The following ALCAM variants were observed in gnomAD, a reference collection of about 807,000 sequenced individuals.
ALCAM encodes the protein activated leukocyte cell adhesion molecule.
ALCAM carries 30 observed loss-of-function variants against 70.9 expected under a neutral mutation model. That is an observed-to-expected ratio of 0.42 (90% confidence interval 0.32 to 0.57). ALCAM has a LOEUF of 0.57. ALCAM is among the 20% of genes least tolerant of loss of function. The pLI, the probability that ALCAM is intolerant of heterozygous loss-of-function variation, is 0.11. For synonymous variants in ALCAM, 249 were observed against 242.5 expected (o/e 1.03, Z -0.25); for missense variants, 591 against 695.1 (o/e 0.85, Z 1.68).
At chr3:105,482,798 T>C (rs1938309892) in intron 1 of ALCAM, among the ~76,000 whole-genome samples, 1 of 152,182 alleles carries the variant, frequency 6.6e-6, no homozygotes, top group South Asian at 2.1e-4. Flanking sequence ...GGATTTGTGA[T>C]TGAAATCACA....
At chr3:105,529,505 G>A (rs961515869) in intron 3 of ALCAM, among the ~76,000 whole-genome samples, 1 of 152,062 alleles carries the variant, frequency 6.6e-6, no homozygotes, top group East Asian at 1.9e-4. Context: ...TTACATTCAA[G>A]ATACATAGTT....
In ALCAM at chr3:105,503,235, G is replaced by C. The variant is rs181220716; in HGVS notation, c.74-16832G>C. Among the ~76,000 whole-genome samples the C allele has an allele frequency of 5.1e-3, 783 of 152,292 alleles. 10 individuals are homozygous for C. Among genetic ancestry groups the C allele is most frequent in the African/African-American group, 0.018 (756 of 41,550 alleles). On this transcript the variant is annotated intron_variant, in intron 1 of 15. Coordinates refer to ENST00000306107, the MANE Select transcript of ALCAM (RefSeq NM_001627.4). Reference sequence around the variant, plus strand: ...TGCTTTGGACTCTTCTACTTATTTAGTCTCAAGCTTTTCCAAAGAGCTAAC... The same window carrying C: ...TGCTTTGGACTCTTCTACTTATTTACTCTCAAGCTTTTCCAAAGAGCTAAC...
intron 14 of ALCAM, among the ~76,000 whole-genome samples, chr3:105,570,352 A>G (rs1441163377): frequency 6.6e-6 from 1 of 152,184 alleles, no homozygotes; most frequent in Non-Finnish European, 1.5e-5. Context: ...TTTCAGTTCC[A>G]AAATGTCAAT....
intron 1 of ALCAM, among the ~76,000 whole-genome samples, chr3:105,486,630 A>G (rs957453478): frequency 2.3e-4 from 35 of 152,142 alleles, no homozygotes; most frequent in African/African-American, 8.2e-4. Flanking sequence ...GCATGCATCC[A>G]TTATAATTAC....
chr3:105,482,219 C>T (rs1938293768), intron 1 of ALCAM, among the ~76,000 whole-genome samples: 1 of 152,088 alleles, frequency 6.6e-6, no homozygotes, highest in African/African-American at 2.4e-5. Flanking sequence ...TTCAAGCTAT[C>T]CTCCTACCTC....
chr3:105,529,054 A>G (rs921757353), intron 3 of ALCAM, among the ~76,000 whole-genome samples: 5 of 152,180 alleles, frequency 3.3e-5, no homozygotes, highest in African/African-American at 1.2e-4. Context: ...TTTAGAATAA[A>G]CACTGTAAGA....
At chr3:105,477,250 CT>C (rs1455938417) in intron 1 of ALCAM, among the ~76,000 whole-genome samples, 1 of 152,000 alleles carries the variant, frequency 6.6e-6, no homozygotes, top group Admixed American at 6.6e-5. Flanking sequence ...TTCTAATGCT[CT>C]TCATTTTTTT....
intron 14 of ALCAM, among the ~76,000 whole-genome samples, chr3:105,558,951 T>C (rs1306756795): frequency 6.6e-6 from 1 of 151,908 alleles, no homozygotes; most frequent in Non-Finnish European, 1.5e-5. Context: ...TACATGAGGA[T>C]AAAAACCCAG....
At chr3:105,514,045 A>G (rs949717521) in intron 1 of ALCAM, among the ~76,000 whole-genome samples, 1 of 151,900 alleles carries the variant, frequency 6.6e-6, no homozygotes, top group Admixed American at 6.6e-5. Flanking sequence ...GATGAGGTCA[A>G]ATGAAATTTC....
At chr3:105,530,428 CT>C (rs548722932) in intron 3 of ALCAM, among the ~76,000 whole-genome samples, 2 of 151,884 alleles carry the variant, frequency 1.3e-5, no homozygotes, top group African/African-American at 2.4e-5. Context: ...TTTTGAGAAG[CT>C]TTTTTTTCTT....
intron 14 of ALCAM, chr3:105,553,248 T>C: frequency 2.4e-6 from 1 of 422,498 alleles, no homozygotes; most frequent in Non-Finnish European, 3.2e-6. Flanking sequence ...GAAAATCCGA[T>C]GAACCAGCGA....
At chr3:105,502,811 C>T (rs1032158894) in intron 1 of ALCAM, among the ~76,000 whole-genome samples, 1 of 152,198 alleles carries the variant, frequency 6.6e-6, no homozygotes, top group Non-Finnish European at 1.5e-5. Flanking sequence ...CACACTATCA[C>T]CTAGAATTGG....
At chr3:105,550,041 C>T in intron 11 of ALCAM, 86 bp from the exon 12 acceptor site, 4 of 1,304,556 alleles carry the variant, frequency 3.1e-6, no homozygotes, top group Non-Finnish European at 4.2e-6. Context: ...AGCACCACGC[C>T]TATCCTATTA....
intron 1 of ALCAM, among the ~76,000 whole-genome samples, chr3:105,413,570 C>G (rs1160061717): frequency 1.3e-5 from 2 of 152,082 alleles, no homozygotes; most frequent in Non-Finnish European, 2.9e-5. Flanking sequence ...GGATAAGTCA[C>G]CTAGCCCATT....
chr3:105,552,991 A>G lies in ALCAM; in HGVS notation c.1664+406A>G, dbSNP rs145236693. The G allele has an allele frequency of 6.5e-4, 656 of 1,013,216 alleles. 2 individuals are homozygous for G. The African/African-American group carries it at 8.2e-3, about 13-fold the overall frequency. The allele number at this position is 1,013,216 out of a possible 1,614,324, so 62.8% of individuals were successfully genotyped here. On this transcript the variant is annotated intron_variant, in intron 14 of 15. Coordinates refer to ENST00000306107, the MANE Select transcript of ALCAM (RefSeq NM_001627.4). ...TGTCTTTGCAGTGACACATCTGGCC[A>G]GCAATGAAACTGCTGCTGAGGTAGG... is the stretch of plus-strand genomic sequence containing the variant.
At position 105,552,132 on chromosome 3, in the gene ALCAM, T is replaced by A; in HGVS notation, c.1508-12T>A. 1 of 1,595,726 alleles carries A rather than the reference T, an allele frequency of 6.3e-7. No individual in the cohort carries two copies. The highest frequency in any genetic ancestry group is 8.5e-7 in the Non-Finnish European group (1 of 1,171,502). On this transcript the variant is annotated splice_polypyrimidine_tract_variant and intron_variant, in intron 12 of 15. Coordinates refer to ENST00000306107, the MANE Select transcript of ALCAM (RefSeq NM_001627.4). ...TTTGTTTTTAATTTCATATTAACATTTTTCATTTCAGTAAGTATTCCAGAA... is the reference window on the plus strand; with the variant it reads ...TTTGTTTTTAATTTCATATTAACATATTTCATTTCAGTAAGTATTCCAGAA...
At chr3:105,430,785 A>C (rs1461607229) in intron 1 of ALCAM, among the ~76,000 whole-genome samples, 2 of 152,038 alleles carry the variant, frequency 1.3e-5, no homozygotes, top group African/African-American at 4.8e-5. Context: ...ATTTACTTAA[A>C]TTGTTTGGAT....
chr3:105,486,661 T>C (rs1938435940), intron 1 of ALCAM, among the ~76,000 whole-genome samples: 1 of 152,102 alleles, frequency 6.6e-6, no homozygotes, highest in Admixed American at 6.6e-5. Flanking sequence ...TACTATGTAA[T>C]TTACCACAGA....
At chr3:105,371,449 A>G (rs1195351192) in intron 1 of ALCAM, among the ~76,000 whole-genome samples, 1 of 152,106 alleles carries the variant, frequency 6.6e-6, no homozygotes. Flanking sequence ...TTAATAGAAT[A>G]ACATTCTTTA....
Sources: gnomAD v4.1 joint callset for allele counts (sites outside exome capture counted in the v4.1 genomes callset) on GRCh38, gnomAD v4.1.1 for gene constraint, MANE v1.5 for transcripts, NCBI Gene and HGNC (gene_info 2026-07-23, HGNC 2026-07-21) for gene names.